TAB2: variants seen among roughly 807,000 people sequenced by gnomAD.
TAB2 encodes TGF-beta activated kinase 1 (MAP3K7) binding protein 2.
TAB2 carries 3 observed loss-of-function variants against 65.0 expected under a neutral mutation model. The ratio of observed to expected loss-of-function variants is 0.05; its 90% CI spans 0.02 to 0.12. TAB2 has a LOEUF of 0.12. Among genes scored for constraint, TAB2 ranks in the 10% least tolerant of loss-of-function variants. The probability of loss-of-function intolerance (pLI) is 1.00; values close to 1 mark genes in which losing one functional copy is unlikely to be tolerated. For missense variants in TAB2, 623 were observed against 840.3 expected, an observed-to-expected ratio of 0.74 and a Z score of 3.20; for synonymous variants, 298 against 285.1, an observed-to-expected ratio of 1.05 and a Z score of -0.46.
At chr6:149,370,998 A>G (rs1452758202) in intron 2 of TAB2, among the ~76,000 whole-genome samples, 2 of 143,514 alleles carry the variant, frequency 1.4e-5, no homozygotes, top group African/African-American at 5.1e-5. Context: ...CCCAGGAGGC[A>G]GAGGTTGCAG....
chr6:149,257,003 C>T (rs747850412), intron 1 of TAB2, among the ~76,000 whole-genome samples: 8 of 152,128 alleles, frequency 5.3e-5, no homozygotes, highest in Non-Finnish European at 5.9e-5. Context: ...AAACATTTCA[C>T]GTGTAAAATG....
At chr6:149,258,492 G>A (rs1257668339) in intron 1 of TAB2, among the ~76,000 whole-genome samples, 2 of 151,282 alleles carry the variant, frequency 1.3e-5, no homozygotes, top group Non-Finnish European at 2.9e-5. Flanking sequence ...GTATGATTCT[G>A]TCCTATACCT....
At chr6:149,291,797 G>A (rs1440608188) in intron 1 of TAB2, among the ~76,000 whole-genome samples, 1 of 152,148 alleles carries the variant, frequency 6.6e-6, no homozygotes, top group Admixed American at 6.5e-5. Flanking sequence ...GGAGGTGGAG[G>A]TTGTAGTGAG....
intron 3 of TAB2, among the ~76,000 whole-genome samples, chr6:149,385,570 A>C (rs17086054): frequency 0.05 from 7,567 of 152,278 alleles, 644 homozygotes; most frequent in African/African-American, 0.17. Flanking sequence ...TTTTCAAATT[A>C]GCCCTACTAC....
chr6:149,372,863 G>A (rs757492632), intron 2 of TAB2, among the ~76,000 whole-genome samples: 9 of 152,120 alleles, frequency 5.9e-5, no homozygotes, highest in Non-Finnish European at 1.2e-4. Context: ...AAATGACAGC[G>A]TCTCTTTTGG....
At chr6:149,351,590 T>C (rs145300832) in intron 1 of TAB2, among the ~76,000 whole-genome samples, 10 of 152,370 alleles carry the variant, frequency 6.6e-5, no homozygotes, top group African/African-American at 2.4e-4. Context: ...CTTGGATTAC[T>C]CATTTAATTC....
chr6:149,341,229 A>G (rs772274542), intron 1 of TAB2, among the ~76,000 whole-genome samples: 8 of 152,120 alleles, frequency 5.3e-5, no homozygotes, highest in Non-Finnish European at 1.2e-4. Context: ...CTAAATATAA[A>G]TTGTTATATT....
intron 1 of TAB2, among the ~76,000 whole-genome samples, chr6:149,278,821 G>A (rs1031339416): frequency 1.3e-5 from 2 of 152,094 alleles, no homozygotes; most frequent in East Asian, 1.9e-4. Context: ...GCTCATGCCT[G>A]CAATTCCAAC....
At chr6:149,293,357 A>AGAAG (rs757238902) in intron 1 of TAB2, among the ~76,000 whole-genome samples, 66 of 152,306 alleles carry the variant, frequency 4.3e-4, no homozygotes, top group Non-Finnish European at 6.9e-4. Flanking sequence ...TATCCTTGAG[A>AGAAG]GAAGGCTGGA....
intron 1 of TAB2, chr6:149,346,442 G>A (rs1780302548): frequency 7.3e-6 from 1 of 137,114 alleles, no homozygotes; most frequent in Non-Finnish European, 1.5e-5. Context: ...AGATCAGTTG[G>A]TGAAACTTTT....
At chr6:149,224,494 T>A (rs912821884) in intron 1 of TAB2, among the ~76,000 whole-genome samples, 1 of 152,226 alleles carries the variant, frequency 6.6e-6, no homozygotes, top group Non-Finnish European at 1.5e-5. Flanking sequence ...GGCTGAACTC[T>A]GAAATGATGG....
chr6:149,400,145 C>G lies in TAB2; in HGVS notation c.1939+961C>G, dbSNP rs1782322155. ...TTACCTTAACTGGAAATGGATTAAA[C>G]TCACCACTCACAAGGAGTTGTATGA... On this transcript the variant is annotated intron_variant, in intron 6 of 6. Transcript: ENST00000637181. 1.1e-5 allele frequency: 6 copies of G among 524,072 alleles called. No individual in the cohort carries two copies. The South Asian group carries it at 1.5e-4, about 13-fold the overall frequency. 32.5% of individuals were successfully genotyped at this position (524,072 alleles called of 1,614,324 possible). A position where few individuals can be genotyped will look rare whatever the true frequency, so the allele number is the denominator to read the frequency against.
intron 1 of TAB2, among the ~76,000 whole-genome samples, chr6:149,306,861 A>G (rs1331487613): frequency 2.0e-5 from 3 of 152,244 alleles, no homozygotes; most frequent in Admixed American, 6.5e-5. Context: ...CAGAGATACA[A>G]ATACAGGAAA....
intron 1 of TAB2, among the ~76,000 whole-genome samples, chr6:149,290,167 C>T (rs1244840531): frequency 6.6e-6 from 1 of 152,124 alleles, no homozygotes; most frequent in Non-Finnish European, 1.5e-5. Flanking sequence ...GAGGCATGTC[C>T]AACTTCCACT....
intron 1 of TAB2, among the ~76,000 whole-genome samples, chr6:149,248,367 G>A (rs1403458564): frequency 6.6e-6 from 1 of 151,148 alleles, no homozygotes; most frequent in African/African-American, 2.4e-5. Flanking sequence ...ACTCCCGCTT[G>A]AGCGACAGAG....
intron 1 of TAB2, chr6:149,244,037 T>G (rs1462998980): frequency 3.3e-5 from 5 of 152,210 alleles, no homozygotes; most frequent in Admixed American, 2.6e-4. Context: ...ATACAGCCCA[T>G]GATCAAAGAA....
In TAB2 at chr6:149,368,645, T is replaced by TTGTGTGTGTGTG. The variant is rs3056968; in HGVS notation, c.-89-1240_-89-1229dup. On this transcript the variant is annotated intron_variant, in intron 1 of 6. Coordinates refer to ENST00000637181, the MANE Select transcript of TAB2 (RefSeq NM_001292034.3). Reference sequence around the variant, plus strand: ...AAACACTACTTTTGAATGCGAAAATTTGTGTGTGTGTGTGTGTGTGTGTGT... The same window carrying TTGTGTGTGTGTG: ...AAACACTACTTTTGAATGCGAAAATTTGTGTGTGTGTGTGTGTGTGTGTGTGTGTGTGTGTGT... 5.7e-3 allele frequency among the ~76,000 whole-genome samples: 844 copies of TTGTGTGTGTGTG among 147,590 alleles called. 6 individuals are homozygous for TTGTGTGTGTGTG. The highest frequency in any genetic ancestry group is 0.016 in the African/African-American group (624 of 40,212).
At chr6:149,278,231 A>T (rs954617091) in intron 1 of TAB2, among the ~76,000 whole-genome samples, 1 of 152,226 alleles carries the variant, frequency 6.6e-6, no homozygotes, top group Admixed American at 6.5e-5. Context: ...GCATAAGAGA[A>T]AAAATATGAA....
At chr6:149,224,220 C>T (rs1777218892) in intron 1 of TAB2, among the ~76,000 whole-genome samples, 1 of 152,156 alleles carries the variant, frequency 6.6e-6, no homozygotes, top group African/African-American at 2.4e-5. Flanking sequence ...GAAATGTAAT[C>T]ATGTATTCCT....
Sources: allele counts gnomAD v4.1 joint callset (sites outside exome capture counted in the v4.1 genomes callset), GRCh38; gene constraint gnomAD v4.1.1; transcripts MANE v1.5; gene names NCBI Gene and HGNC (gene_info 2026-07-23, HGNC 2026-07-21).